The following EPN2 variants were observed in gnomAD, a reference collection of about 807,000 sequenced individuals.
The protein encoded by EPN2 is epsin 2.
In EPN2, 34 loss-of-function variants were observed where a neutral mutation model predicts 61.7. The observed-to-expected ratio is 0.55, with a 90% CI of 0.42 to 0.73. The LOEUF is 0.73. EPN2 is among the 30% of genes least tolerant of loss of function. The pLI, the probability that EPN2 is intolerant of heterozygous loss-of-function variation, is 0.00. For synonymous variants in EPN2, 349 were observed against 353.6 expected, an observed-to-expected ratio of 0.99 and a Z score of 0.15; for missense variants, 714 against 839.2, an observed-to-expected ratio of 0.85 and a Z score of 1.84.
intron 4 of EPN2, 90 bp from the exon 5 acceptor site, chr17:19,309,795 G>C: frequency 1.0e-6 from 1 of 962,788 alleles, no homozygotes; most frequent in Non-Finnish European, 1.7e-6. Flanking sequence ...GTTTGAGATG[G>C]GAATGGAATG....
chr17:19,312,131 C>A lies in EPN2; in HGVS notation c.959C>A (p.Pro320Gln). ...AGCCGAAGGGACACAGTTAAAATTC[C>A]AAAAAAGAAAGAGGTAAGAGCTTGC... ...EESRRDTVKI[P>Q]KKKEHGSLPQ... Residue 320 changes from proline (P) to glutamine (Q), a missense_variant, in exon 6 of 11, where the codon CCA becomes CAA. By Grantham distance (76) the Pro-to-Gln change is moderately conservative. Around this residue, in one of 2 missense-constraint regions of EPN2, gnomAD observed 410 missense variants for 421.8 expected, o/e 0.97. Transcript: ENST00000314728. 1 of 1,613,266 alleles carries A rather than the reference C, an allele frequency of 6.2e-7. No homozygotes were observed. Among genetic ancestry groups the A allele is most frequent in the Non-Finnish European group, 8.5e-7 (1 of 1,179,286 alleles).
rs772989921 is a variant in EPN2 at position 19,305,374 on chromosome 17, C to T, written c.767-4511C>T. On this transcript the variant is annotated intron_variant, in intron 4 of 10. Transcript: ENST00000314728. ...CTGGCCTCAAGTGATCCACCCCCTT[C>T]GGTCTCCCAAAGTGCTGTGACATCA... is the stretch of plus-strand genomic sequence containing the variant. 2.8e-4 allele frequency among the ~76,000 whole-genome samples: 42 copies of T among 152,244 alleles called. 1 individual carries two copies. The highest frequency in any genetic ancestry group is 8.4e-4 in the African/African-American group (35 of 41,544).
At chr17:19,298,408 C>G (rs940077279) in intron 4 of EPN2, among the ~76,000 whole-genome samples, 4 of 152,142 alleles carry the variant, frequency 2.6e-5, no homozygotes, top group African/African-American at 9.7e-5. Context: ...TTTGGCTAGG[C>G]TGGTCTCAAA....
intron 4 of EPN2, among the ~76,000 whole-genome samples, chr17:19,309,112 T>G (rs1372628526): frequency 6.6e-6 from 1 of 151,756 alleles, no homozygotes; most frequent in Non-Finnish European, 1.5e-5. Flanking sequence ...CATGATCTCG[T>G]AGTAACACTA....
intron 8 of EPN2, chr17:19,329,277 C>T (rs138183859): frequency 3.9e-4 from 177 of 458,770 alleles, no homozygotes; most frequent in African/African-American, 3.1e-3. Flanking sequence ...GCACCTCCAC[C>T]ACTGCCAGCA....
At chr17:19,249,806 G>A (rs2044993847) in intron 1 of EPN2, among the ~76,000 whole-genome samples, 1 of 152,180 alleles carries the variant, frequency 6.6e-6, no homozygotes, top group Non-Finnish European at 1.5e-5. Context: ...GTCCGACACA[G>A]GTCTTAATGG....
At chr17:19,306,472 G>C (rs1315852292) in intron 4 of EPN2, among the ~76,000 whole-genome samples, 2 of 152,214 alleles carry the variant, frequency 1.3e-5, no homozygotes, top group Non-Finnish European at 2.9e-5. Flanking sequence ...ACATTCAGGG[G>C]AATACCCATT....
intron 4 of EPN2, among the ~76,000 whole-genome samples, chr17:19,295,366 A>ACACGCGCG (rs147719775): frequency 0.38 from 53,755 of 139,816 alleles, 13,198 homozygotes; most frequent in Non-Finnish European, 0.55. Context: ...ACACACACAC[A>ACACGCGCG]CGCGCGTGCG....
intron 7 of EPN2, among the ~76,000 whole-genome samples, chr17:19,321,198 C>T (rs148082245): frequency 2.0e-5 from 3 of 152,126 alleles, no homozygotes; most frequent in Admixed American, 6.5e-5. Flanking sequence ...CCAGTTTGTT[C>T]GAGATGTGAT....
intron 7 of EPN2, among the ~76,000 whole-genome samples, chr17:19,322,129 G>A (rs946397374): frequency 6.6e-6 from 1 of 152,224 alleles, no homozygotes; most frequent in Middle Eastern, 3.2e-3. Context: ...TGGAAGACGA[G>A]GAGTGAAGTG....
chr17:19,310,868 G>A (rs1008316974), intron 5 of EPN2, among the ~76,000 whole-genome samples: 4 of 152,004 alleles, frequency 2.6e-5, no homozygotes, highest in Non-Finnish European at 5.9e-5. Context: ...TTGGGCCACC[G>A]TGCCTGGCCC....
intron 1 of EPN2, among the ~76,000 whole-genome samples, chr17:19,258,719 T>C (rs896935564): frequency 2.7e-4 from 41 of 152,200 alleles, no homozygotes; most frequent in African/African-American, 9.2e-4. Flanking sequence ...TTGGCGTCGA[T>C]GCTGCGTGTG....
intron 1 of EPN2, among the ~76,000 whole-genome samples, chr17:19,250,163 C>T (rs908007349): frequency 1.3e-5 from 2 of 151,708 alleles, no homozygotes; most frequent in African/African-American, 2.4e-5. Flanking sequence ...ATGCCTATCT[C>T]GGCGCACTGC....
intron 8 of EPN2, 152 bp downstream of exon 8, chr17:19,329,039 G>A (rs919236828): frequency 4.0e-5 from 27 of 670,396 alleles, no homozygotes; most frequent in African/African-American, 4.0e-4. Flanking sequence ...CCAGATCCCA[G>A]GTGCCCCAGT....
chr17:19,242,541 G>A (rs73982646), intron 1 of EPN2, among the ~76,000 whole-genome samples: 1,645 of 152,286 alleles, frequency 0.011, 23 homozygotes, highest in African/African-American at 0.036. Context: ...CCTAGGTGCT[G>A]GAGCCTGCTT....
rs372792247 is a variant in EPN2, at chr17:19,255,613, G to A, written c.-294+18082G>A. On this transcript the variant is annotated intron_variant, in intron 1 of 10. Transcript: ENST00000314728. Reference sequence around the variant, plus strand: ...CCAGTGCTTGGCCCCCATCCCTTATGTTTGATAGATTGGATTGATTTTTTT... The same window carrying A: ...CCAGTGCTTGGCCCCCATCCCTTATATTTGATAGATTGGATTGATTTTTTT... Among the ~76,000 whole-genome samples, 3 of 114,196 alleles carry A rather than the reference G, an allele frequency of 2.6e-5. No homozygotes were observed. The East Asian group carries it at 7.7e-4, about 29-fold the overall frequency. The allele number at this position is 114,196 out of a possible 152,430, so 74.9% of individuals were successfully genotyped here.
intron 1 of EPN2, among the ~76,000 whole-genome samples, chr17:19,257,728 G>A (rs2045096643): frequency 6.6e-6 from 1 of 152,112 alleles, no homozygotes. Context: ...ATGTTGACCA[G>A]GCTGGTCTCA....
At chr17:19,257,761 A>G (rs901934987) in intron 1 of EPN2, among the ~76,000 whole-genome samples, 1 of 151,826 alleles carries the variant, frequency 6.6e-6, no homozygotes, top group African/African-American at 2.4e-5. Context: ...CAGGTGATCC[A>G]CCCGCCTTGG....
chr17:19,273,966 C>T (rs773326661), intron 1 of EPN2: 4 of 152,158 alleles, frequency 2.6e-5, no homozygotes, highest in Non-Finnish European at 4.4e-5. Flanking sequence ...CTGGAGAGCC[C>T]GTGTGGTTTG....
Sources: allele counts gnomAD v4.1 joint callset (sites outside exome capture counted in the v4.1 genomes callset), GRCh38; gene constraint gnomAD v4.1.1; regional missense constraint gnomAD v4.1.1; transcripts MANE v1.5; gene names NCBI Gene and HGNC (gene_info 2026-07-23, HGNC 2026-07-21).